Variants in C10orf143 observed in about 807,000 individuals in gnomAD.
The protein encoded by C10orf143 is uncharacterized protein C10orf143.
At chr10:130,063,277 G>A (rs775352671), downstream of C10orf143, among the ~76,000 whole-genome samples, 1 of 152,152 alleles carries the variant, frequency 6.6e-6, no homozygotes, top group Admixed American at 6.5e-5. Context: ...AGAACATGCT[G>A]TCCATCTAAG....
intron 1 of C10orf143, among the ~76,000 whole-genome samples, chr10:130,090,976 C>T (rs560474839): frequency 6.6e-6 from 1 of 152,322 alleles, no homozygotes; most frequent in East Asian, 1.9e-4. Context: ...GGAGAAGGGG[C>T]AACTGTGGGC....
intron 3 of C10orf143, among the ~76,000 whole-genome samples, chr10:130,073,547 A>T (rs1861066845): frequency 6.6e-6 from 1 of 151,924 alleles, no homozygotes; most frequent in Non-Finnish European, 1.5e-5. Context: ...AGGAACGGCC[A>T]CTAAAGAGTG....
intron 3 of C10orf143, among the ~76,000 whole-genome samples, chr10:130,050,087 G>A (rs1380510280): frequency 6.6e-6 from 1 of 152,188 alleles, no homozygotes; most frequent in Non-Finnish European, 1.5e-5. Context: ...ATGGAAAAAC[G>A]GGAGGCGGGG....
At chr10:130,037,674 C>A (rs1051178756) in intron 3 of C10orf143, among the ~76,000 whole-genome samples, 2 of 152,200 alleles carry the variant, frequency 1.3e-5, no homozygotes, top group Admixed American at 1.3e-4. Flanking sequence ...GACAAAAATA[C>A]CCCAAGGAAA....
chr10:130,094,115 C>G (rs1249047748), intron 1 of C10orf143, among the ~76,000 whole-genome samples: 3 of 151,856 alleles, frequency 2.0e-5, no homozygotes, highest in Non-Finnish European at 2.9e-5. Flanking sequence ...CAAATAAACT[C>G]AAAAATCTAG....
intron 1 of C10orf143, among the ~76,000 whole-genome samples, chr10:130,089,010 A>G (rs1177580096): frequency 6.6e-6 from 1 of 152,144 alleles, no homozygotes; most frequent in Non-Finnish European, 1.5e-5. Context: ...TCAGCCTACT[A>G]TGCTCGAGCT....
intron 3 of C10orf143, among the ~76,000 whole-genome samples, chr10:130,069,761 T>A (rs1223447671): frequency 6.6e-6 from 1 of 152,160 alleles, no homozygotes; most frequent in East Asian, 1.9e-4. Context: ...TAAGCATGAG[T>A]CACTGTGGTC....
At position 130,065,345 on chromosome 10, in the gene C10orf143, C is replaced by T. The variant is rs1860914171; in HGVS notation, c.298-962G>A. The T allele has an allele frequency of 6.6e-6, 1 of 152,128 alleles. No individual in the cohort carries two copies. The highest frequency in any genetic ancestry group is 2.4e-5 in the African/African-American group (1 of 41,382). 9.4% of individuals were successfully genotyped at this position (152,128 alleles called of 1,614,324 possible). ...GCACGTGACCCTACCTGGTGAGGGG[C>T]CTGAAGAAGGCTTCACACAAGACAG... On this transcript the variant is annotated intron_variant, in intron 3 of 3. Coordinates refer to ENST00000637128, the MANE Select transcript of C10orf143 (RefSeq NM_001355042.2). The surrounding 1 kb of genome is among the most constrained non-coding windows in gnomAD (Gnocchi z 4.2).
chr10:130,046,780 G>C (rs989685464), intron 3 of C10orf143, among the ~76,000 whole-genome samples: 1 of 152,202 alleles, frequency 6.6e-6, no homozygotes, highest in Non-Finnish European at 1.5e-5. Context: ...ACCTGCACGC[G>C]GAGGTTCATT....
At chr10:130,042,271 G>T (rs1217934491) in intron 3 of C10orf143, among the ~76,000 whole-genome samples, 1 of 152,190 alleles carries the variant, frequency 6.6e-6, no homozygotes, top group Non-Finnish European at 1.5e-5. Context: ...TTCTGCAAAC[G>T]TTAACCACTT....
downstream of C10orf143, among the ~76,000 whole-genome samples, chr10:130,063,606 A>G (rs1860881244): frequency 6.6e-6 from 1 of 152,144 alleles, no homozygotes; most frequent in Non-Finnish European, 1.5e-5. Context: ...GAATGCCATG[A>G]TGACTTATAG....
chr10:130,042,058 T>C (rs1381128531), intron 3 of C10orf143, among the ~76,000 whole-genome samples: 2 of 152,042 alleles, frequency 1.3e-5, no homozygotes, highest in East Asian at 3.9e-4. Context: ...TGTACACACG[T>C]GCACACCCAC....
At chr10:130,100,193 A>G (rs988680215) in intron 1 of C10orf143, among the ~76,000 whole-genome samples, 8 of 152,092 alleles carry the variant, frequency 5.3e-5, no homozygotes, top group African/African-American at 1.9e-4. Context: ...CTTTGGGCCA[A>G]TCTGGACCAA....
chr10:130,046,060 C>A (rs1436834278), intron 3 of C10orf143, among the ~76,000 whole-genome samples: 1 of 138,262 alleles, frequency 7.2e-6, no homozygotes, highest in Non-Finnish European at 1.5e-5. Flanking sequence ...TCAGGGCAGA[C>A]GGAACGTGGA....
chr10:130,043,939 T>C (rs1400173263), intron 3 of C10orf143, among the ~76,000 whole-genome samples: 1 of 151,716 alleles, frequency 6.6e-6, no homozygotes, highest in Admixed American at 6.6e-5. Context: ...ACTCTTAGGG[T>C]TGGGGCTCAG....
At chr10:130,099,986 C>T (rs555102184) in intron 1 of C10orf143, among the ~76,000 whole-genome samples, 7 of 150,970 alleles carry the variant, frequency 4.6e-5, no homozygotes, top group Non-Finnish European at 7.4e-5. Flanking sequence ...TACAGGCACG[C>T]GCCACCACAC....
intron 3 of C10orf143, among the ~76,000 whole-genome samples, chr10:130,036,199 A>G (rs1408788942): frequency 2.0e-5 from 3 of 152,168 alleles, no homozygotes; most frequent in Non-Finnish European, 4.4e-5. Flanking sequence ...TCTGATGGGG[A>G]AACTGAGGCT....
chr10:130,103,764 C>T (rs115878131), intron 1 of C10orf143, among the ~76,000 whole-genome samples: 164 of 152,004 alleles, frequency 1.1e-3, no homozygotes, highest in African/African-American at 3.8e-3. Context: ...GAGCCATCAT[C>T]GCTCCACTGC....
At chr10:130,075,000 A>G (rs1295641474) in intron 3 of C10orf143, among the ~76,000 whole-genome samples, 1 of 152,070 alleles carries the variant, frequency 6.6e-6, no homozygotes, top group Non-Finnish European at 1.5e-5. Context: ...TACCACACAC[A>G]CAAATGTTGT....
Sources: allele counts gnomAD v4.1 joint callset (sites outside exome capture counted in the v4.1 genomes callset), GRCh38; gene constraint gnomAD v4.1.1; non-coding constraint Gnocchi (gnomAD v3.1); transcripts MANE v1.5; gene names NCBI Gene and HGNC (gene_info 2026-07-23, HGNC 2026-07-21).